SULT2A1: variants seen among roughly 807,000 people sequenced by gnomAD.
SULT2A1 encodes sulfotransferase family 2A member 1, also known as sulfotransferase 2A1.
Under a neutral mutation model 33.9 loss-of-function variants are expected in SULT2A1, and 43 were observed. That is an observed-to-expected ratio of 1.27 (90% CI 1.00 to 1.64). The LOEUF (loss-of-function observed/expected upper bound fraction) is 1.64. SULT2A1 is among the 40% of genes most tolerant of loss of function. The probability of loss-of-function intolerance (pLI) is 0.00; values close to 1 mark genes in which losing one functional copy is unlikely to be tolerated. For synonymous variants in SULT2A1, 125 were observed against 113.6 expected (o/e 1.10, Z -0.64); for missense variants, 300 against 335.1 (o/e 0.90, Z 0.82).
chr19:47,884,100 G>C lies in SULT2A1; in HGVS notation c.137-315C>G, dbSNP rs192859837. ...AGCCTGGGCAACAGAGTGAGACTCA[G>C]TCTCAAAAAAAAAAACAAAAACAAA... On this transcript the variant is annotated intron_variant, in intron 1 of 5. Coordinates refer to ENST00000222002, the MANE Select transcript of SULT2A1 (RefSeq NM_003167.4). Among the ~76,000 whole-genome samples the C allele has an allele frequency of 2.9e-3, 424 of 146,926 alleles. 3 individuals carry two copies. The highest frequency in any genetic ancestry group is 9.9e-3 in the African/African-American group (395 of 39,786).
At chr19:47,876,999 C>T (rs1968551350) in intron 4 of SULT2A1, among the ~76,000 whole-genome samples, 1 of 148,858 alleles carries the variant, frequency 6.7e-6, no homozygotes. Context: ...ATCGCTTGAA[C>T]CCGAGAGGCG....
In SULT2A1 at chr19:47,871,522, T is replaced by G. The variant is rs754922906; in HGVS notation, c.791A>C (p.Glu264Ala). ...CTCTTGGAACAATTTATCAAAGTCT[T>G]CAGCTTGGGCCACTGTGAAGTGATT... Reference protein sequence around the residue: ...WKNHFTVAQAEDFDKLFQEKM... With the variant: ...WKNHFTVAQAADFDKLFQEKM... The change falls in exon 6 of 6, where the codon GAA (glutamate) becomes GCA (alanine). Residue 264 changes from glutamate (E) to alanine (A), a missense_variant. Physicochemically the swap from Glu to Ala is moderately radical, Grantham distance 107. Transcript: ENST00000222002. 53 of 1,613,758 alleles carry G rather than the reference T, an allele frequency of 3.3e-5. No individual in the cohort carries two copies. In the East Asian group the frequency reaches 1.2e-3, roughly 35 times the overall value.
intron 4 of SULT2A1, among the ~76,000 whole-genome samples, chr19:47,878,505 ATT>A (rs34027366): frequency 1.5e-4 from 17 of 111,948 alleles, no homozygotes; most frequent in East Asian, 2.7e-4. Context: ...ACCTCTCTAG[ATT>A]TTTTTTTTTT....
rs62530965 is a variant in SULT2A1, at chr19:47,881,912, G to A, written c.472+172C>T. ...TTATCATGGGGCAAGCTGAGGGGCC[G>A]GCTAGAGTTCTGCTGCTATGCGGGA... is the stretch of plus-strand genomic sequence containing the variant. On this transcript the variant is annotated intron_variant, in intron 3 of 5. Transcript: ENST00000222002. 5.0e-3 allele frequency among the ~76,000 whole-genome samples: 754 copies of A among 151,978 alleles called. 3 individuals carry two copies. The highest frequency in any genetic ancestry group is 0.017 in the African/African-American group (723 of 41,456).
rs1423607864 is a variant in SULT2A1 at position 47,874,749 on chromosome 19, C to T, written c.653G>A (p.Ser218Asn). ...GTTTTCTTTCATGCTCTGAAAGGAG[C>T]TGTTCTTGAGAATTAAGTTCAGTTC... ...PEELNLILKN[S>N]SFQSMKENKM... Residue 218 changes from serine to asparagine, a missense_variant, in exon 5 of 6, where the codon AGC becomes AAC. By Grantham distance (46) the Ser-to-Asn change is conservative. Transcript: ENST00000222002. 1 of 1,613,938 alleles carries T rather than the reference C, an allele frequency of 6.2e-7. No homozygotes were observed. The highest frequency in any genetic ancestry group is 2.2e-5 in the East Asian group (1 of 44,886).
chr19:47,879,017 CTA>C lies in SULT2A1; in HGVS notation c.567+17_567+18del. On this transcript the variant is annotated intron_variant, in intron 4 of 5. Transcript: ENST00000222002. ...GGTGGTGAGAGGGTGTGCACTGACTCTAAAAATGATGGGATTACCTGTTTCAG... is the reference window on the plus strand; with the variant it reads ...GGTGGTGAGAGGGTGTGCACTGACTCAAAATGATGGGATTACCTGTTTCAG... 1 of 1,537,926 alleles carries C rather than the reference CTA, an allele frequency of 6.5e-7. No homozygotes were observed. Among genetic ancestry groups the C allele is most frequent in the East Asian group, 2.2e-5 (1 of 44,480 alleles).
intron 1 of SULT2A1, 23 bp from the exon 2 acceptor site, chr19:47,883,808 A>G (rs1968626786): frequency 1.9e-6 from 3 of 1,609,766 alleles, no homozygotes; most frequent in African/African-American, 2.7e-5. Flanking sequence ...GGAAAAAAAT[A>G]TATAAAATGT....
In SULT2A1 at chr19:47,871,582, C is replaced by T; in HGVS notation, c.746-15G>A. ...CCCAGATACACCTGGAAACAAGAAG[C>T]AGAAACTCAGGTCAGACCACACATC... On this transcript the variant is annotated splice_polypyrimidine_tract_variant and intron_variant, in intron 5 of 5. Coordinates refer to ENST00000222002, the MANE Select transcript of SULT2A1 (RefSeq NM_003167.4). 2.5e-6 allele frequency: 4 copies of T among 1,572,322 alleles called. No individual in the cohort carries two copies. The highest frequency in any genetic ancestry group is 3.5e-6 in the Non-Finnish European group (4 of 1,142,258).
Position 47,879,136 on chromosome 19 carries a change from T to C in SULT2A1, c.473-6A>G. 6.3e-7 allele frequency: 1 copy of C among 1,594,140 alleles called. No homozygotes were observed. Among genetic ancestry groups the C allele is most frequent in the Middle Eastern group, 1.7e-4 (1 of 6,004 alleles). On this transcript the variant is annotated splice_polypyrimidine_tract_variant and splice_region_variant and intron_variant, in intron 3 of 5. Transcript: ENST00000222002. ...AAACCATGACCCATATAGCACTGCA[T>C]GGGGTGGCAGAAAAAGTGATAGGTT...
chr19:47,874,051 C>T (rs184590790), intron 5 of SULT2A1, among the ~76,000 whole-genome samples: 58 of 152,202 alleles, frequency 3.8e-4, no homozygotes, highest in African/African-American at 1.3e-3. Flanking sequence ...TGCTAGTTAA[C>T]CTGCTCACTG....
intron 3 of SULT2A1, among the ~76,000 whole-genome samples, chr19:47,879,582 T>C (rs1171176277): frequency 1.3e-5 from 2 of 151,918 alleles, no homozygotes; most frequent in African/African-American, 4.8e-5. Context: ...GTATACACCA[T>C]GGAATACAAT....
intron 2 of SULT2A1, 59 bp downstream of exon 2, chr19:47,883,518 T>C (rs1600040785): frequency 2.0e-6 from 3 of 1,515,080 alleles, no homozygotes; most frequent in South Asian, 2.3e-5. Flanking sequence ...AGATGACTTA[T>C]AGGCATATCA....
chr19:47,872,427 C>T (rs1453161767), intron 5 of SULT2A1, among the ~76,000 whole-genome samples: 1 of 152,162 alleles, frequency 6.6e-6, no homozygotes, highest in African/African-American at 2.4e-5. Flanking sequence ...CTCCGTCACT[C>T]TACTCACACG....
chr19:47,876,230 G>A (rs1349316484), intron 4 of SULT2A1, among the ~76,000 whole-genome samples: 1 of 152,062 alleles, frequency 6.6e-6, no homozygotes, highest in Non-Finnish European at 1.5e-5. Context: ...TGGCCAAGCT[G>A]GGTTCCAACT....
chr19:47,884,371 G>A (rs1968633903), intron 1 of SULT2A1, among the ~76,000 whole-genome samples: 1 of 151,206 alleles, frequency 6.6e-6, no homozygotes, highest in Non-Finnish European at 1.5e-5. Context: ...GTAGAGATGG[G>A]GTTTCACCAT....
intron 3 of SULT2A1, among the ~76,000 whole-genome samples, chr19:47,880,417 G>A (rs1968592542): frequency 6.6e-6 from 1 of 151,926 alleles, no homozygotes. Flanking sequence ...TTCGAGATGA[G>A]ATTTGGGTGG....
chr19:47,882,092 T>G lies in SULT2A1; in HGVS notation c.464A>C (p.Gln155Pro). 6.2e-7 allele frequency: 1 copy of G among 1,613,704 alleles called. No homozygotes were observed. The highest frequency in any genetic ancestry group is 8.5e-7 in the Non-Finnish European group (1 of 1,179,878). ...SWEEYFEWFC[Q>P]GTVLYGSWFD... ...TTTTGTGAAACACTCACCAGTTCCTTGACAAAACCATTCAAAATATTCTTC... is the reference window on the plus strand; with the variant it reads ...TTTTGTGAAACACTCACCAGTTCCTGGACAAAACCATTCAAAATATTCTTC... The change falls in exon 3 of 6, where the codon CAA becomes CCA. Residue 155 changes from glutamine (Q) to proline (P), a missense_variant. Coordinates refer to ENST00000222002, the MANE Select transcript of SULT2A1 (RefSeq NM_003167.4).
At chr19:47,883,498 C>T in intron 2 of SULT2A1, 79 bp downstream of exon 2, 1 of 1,402,694 alleles carries the variant, frequency 7.1e-7, no homozygotes, top group Non-Finnish European at 1.0e-6. Context: ...TGCATTTCAG[C>T]AAGATCTCCA....
At chr19:47,880,079 A>C (rs183983410) in intron 3 of SULT2A1, among the ~76,000 whole-genome samples, 2 of 151,816 alleles carry the variant, frequency 1.3e-5, no homozygotes, top group Admixed American at 1.3e-4. Context: ...TACTAAAAAC[A>C]CAAAAAAATT....
Sources: allele counts gnomAD v4.1 joint callset (sites outside exome capture counted in the v4.1 genomes callset), GRCh38; gene constraint gnomAD v4.1.1; transcripts MANE v1.5; gene names NCBI Gene and HGNC (gene_info 2026-07-23, HGNC 2026-07-21).